Variants in BRD1 observed in about 807,000 individuals in gnomAD.
BRD1 encodes bromodomain containing 1.
Under a neutral mutation model 107.7 loss-of-function variants are expected in BRD1, and 24 were observed. That is an observed-to-expected ratio of 0.22 (90% CI 0.16 to 0.31). The LOEUF is 0.31. BRD1 is among the 10% of genes least tolerant of loss of function. BRD1 has a pLI of 1.00. For synonymous variants in BRD1, 744 were observed against 686.1 expected (o/e 1.08, Z -1.32); for missense variants, 1,279 against 1,638.6 (o/e 0.78, Z 3.79).
In BRD1 at chr22:49,803,494, G is replaced by T. The variant is rs1052021623; in HGVS notation, c.1524+710C>A. 5.3e-5 allele frequency among the ~76,000 whole-genome samples: 8 copies of T among 152,232 alleles called. No individual in the cohort carries two copies. Among genetic ancestry groups the T allele is most frequent in the Non-Finnish European group, 8.8e-5 (6 of 68,040 alleles). On this transcript the variant is annotated intron_variant, in intron 3 of 12. Transcript: ENST00000404760. The surrounding 1 kb of genome is among the most constrained non-coding windows in gnomAD (Gnocchi z 4.4). ...CAGGTCCTGGGCCGTGTGCAGAGCT[G>T]CTTGTGTTTTCAATTACTTTTGTGC...
intron 2 of BRD1, chr22:49,817,727 C>T (rs1239087929): frequency 4.9e-6 from 1 of 203,102 alleles, no homozygotes; most frequent in Admixed American, 4.4e-5. Flanking sequence ...CAATGTTTCT[C>T]TTTCTCTAAA....
chr22:49,813,103 C>T (rs888128013), intron 2 of BRD1, among the ~76,000 whole-genome samples: 2 of 152,188 alleles, frequency 1.3e-5, no homozygotes, highest in East Asian at 1.9e-4. Flanking sequence ...CAAGACTCCT[C>T]GAGGTGGCCG....
At chr22:49,776,703 T>C (rs960897149) in intron 10 of BRD1, among the ~76,000 whole-genome samples, 6 of 152,178 alleles carry the variant, frequency 3.9e-5, no homozygotes, top group African/African-American at 1.4e-4. Flanking sequence ...CACCCTGCAG[T>C]CAGTCCCCTG....
At chr22:49,778,883 A>G (rs2059151814) in intron 8 of BRD1, among the ~76,000 whole-genome samples, 1 of 152,032 alleles carries the variant, frequency 6.6e-6, no homozygotes, top group African/African-American at 2.4e-5. Context: ...GGATGGTCTC[A>G]ATCTCCTGAC....
chr22:49,777,170 G>A lies in BRD1; in HGVS notation c.2994-9C>T. 1.2e-6 allele frequency: 2 copies of A among 1,612,260 alleles called. No homozygotes were observed. Among genetic ancestry groups the A allele is most frequent in the Middle Eastern group, 1.7e-4 (1 of 6,040 alleles). On this transcript the variant is annotated splice_polypyrimidine_tract_variant and intron_variant, in intron 9 of 12. Coordinates refer to ENST00000404760, the MANE Select transcript of BRD1 (RefSeq NM_001304808.3). The stretch of plus-strand genomic sequence containing the variant: ...ATTTGGGCGCATTAAAGCTTCGGGA[G>A]GAAGAGCAGAGGGAGTCAGGCGCCC...
chr22:49,795,418 T>G (rs1163008129), intron 6 of BRD1, among the ~76,000 whole-genome samples: 1 of 152,178 alleles, frequency 6.6e-6, no homozygotes, highest in Admixed American at 6.5e-5. Flanking sequence ...GGACTTCTCA[T>G]CCTTCATTTT....
At chr22:49,784,548 G>A (rs1402121272) in intron 8 of BRD1, among the ~76,000 whole-genome samples, 1 of 152,274 alleles carries the variant, frequency 6.6e-6, no homozygotes, top group Non-Finnish European at 1.5e-5. Flanking sequence ...GAGGCCCACA[G>A]TGAGTGCGTC....
intron 2 of BRD1, chr22:49,817,149 A>C (rs182331994): frequency 6.5e-5 from 10 of 152,702 alleles, no homozygotes; most frequent in Admixed American, 5.9e-4. Context: ...TTTTCCCCTG[A>C]CCTCACAGTG....
At chr22:49,785,674 T>G (rs769444945) in intron 8 of BRD1, among the ~76,000 whole-genome samples, 2 of 152,194 alleles carry the variant, frequency 1.3e-5, no homozygotes, top group Non-Finnish European at 2.9e-5. Context: ...CAAAAAAGCT[T>G]TTTCAAATTA....
chr22:49,774,999 C>G (rs959018397), intron 12 of BRD1, among the ~76,000 whole-genome samples: 1 of 152,232 alleles, frequency 6.6e-6, no homozygotes, highest in Non-Finnish European at 1.5e-5. Context: ...GGGCCACGTG[C>G]GCAGGGCACA....
At chr22:49,814,126 G>A (rs2059906310) in intron 2 of BRD1, among the ~76,000 whole-genome samples, 1 of 152,202 alleles carries the variant, frequency 6.6e-6, no homozygotes, top group African/African-American at 2.4e-5. Context: ...CTGGCCAGGT[G>A]CGTATAACTT....
Position 49,824,075 on chromosome 22 carries a change from C to T in BRD1, c.243G>A (p.Glu81=). The change falls in exon 2 of 13, where the codon GAG becomes GAA. Residue 81 remains glutamate (E), a synonymous_variant. Coordinates refer to ENST00000404760, the MANE Select transcript of BRD1 (RefSeq NM_001304808.3). The surrounding 1 kb of genome is among the most constrained non-coding windows in gnomAD (Gnocchi z 5.9). Reference sequence around the variant, plus strand: ...TAGTTCTTAAGCAGACAGGAGGCCGCTCGCTGTTTTCCTTGTTGCTGTTGC... The same window carrying T: ...TAGTTCTTAAGCAGACAGGAGGCCGTTCGCTGTTTTCCTTGTTGCTGTTGC... The part of the protein sequence containing the change: ...SECNSNKENS[E]RPPVCLRTKR... 6.2e-7 allele frequency: 1 copy of T among 1,614,002 alleles called. No homozygotes were observed.
At chr22:49,775,479 G>A in intron 12 of BRD1, 112 bp downstream of exon 12, 2 of 1,083,162 alleles carry the variant, frequency 1.8e-6, no homozygotes, top group Non-Finnish European at 2.4e-6. Context: ...CTTTAGCTGT[G>A]CCAGGGCCCA....
chr22:49,817,670 AC>A (rs2059979497), intron 2 of BRD1: 1 of 226,200 alleles, frequency 4.4e-6, no homozygotes, highest in Non-Finnish European at 9.9e-6. Context: ...GACTGCCTTT[AC>A]CAACAAGACT....
At chr22:49,820,180 T>C (rs186179265) in intron 2 of BRD1, among the ~76,000 whole-genome samples, 23 of 152,328 alleles carry the variant, frequency 1.5e-4, no homozygotes, top group African/African-American at 5.3e-4. Context: ...GAAATTTTAA[T>C]TTTTTAAACC....
In BRD1 at chr22:49,804,397, AC is replaced by A. The variant is rs778245802; in HGVS notation, c.1368-38del. 1.5e-5 allele frequency: 23 copies of A among 1,555,854 alleles called. No individual in the cohort carries two copies. In the Admixed American group the frequency reaches 4.0e-4, roughly 27 times the overall value. On this transcript the variant is annotated intron_variant, in intron 2 of 12. Coordinates refer to ENST00000404760, the MANE Select transcript of BRD1 (RefSeq NM_001304808.3). The stretch of plus-strand genomic sequence containing the variant: ...ACACTCAGTGTATCTTTGAAGCAGT[AC>A]ATTAAGATGTTTCATCACATAAACT...
chr22:49,798,464 T>C, intron 5 of BRD1, 94 bp downstream of exon 5: 2 of 1,572,800 alleles, frequency 1.3e-6, no homozygotes, highest in Admixed American at 1.7e-5. Context: ...ACACAAGGGA[T>C]GTACTCTAGC....
Position 49,777,738 on chromosome 22 carries a change from C to T in BRD1, c.2933G>A (p.Arg978Gln), listed in dbSNP as rs375422499. ...GCTGGACTCGGAGGCACAGCGTCGT[C>T]GGGGTGTGGCCTTCCTCCCCAGGCC... ...GGGLGRKATP[R>Q]RRCASESSIS... Residue 978 changes from arginine to glutamine, a missense_variant, in exon 9 of 13, where the codon CGA becomes CAA. By Grantham distance (43) the Arg-to-Gln change is conservative. Around this residue, in one of 7 missense-constraint regions of BRD1, gnomAD observed 263 missense variants for 251.6 expected, o/e 1.05. Coordinates refer to ENST00000404760, the MANE Select transcript of BRD1 (RefSeq NM_001304808.3). 3.9e-5 allele frequency: 63 copies of T among 1,606,930 alleles called. No individual in the cohort carries two copies. The highest frequency in any genetic ancestry group is 8.0e-5 in the African/African-American group (6 of 74,856).
chr22:49,777,463 G>A (rs1028922929), intron 9 of BRD1, among the ~76,000 whole-genome samples: 9 of 152,328 alleles, frequency 5.9e-5, no homozygotes, highest in Non-Finnish European at 1.0e-4. Flanking sequence ...CCTATTTCAC[G>A]CAGTGTTTTT....
Sources: gnomAD v4.1 joint callset for allele counts (sites outside exome capture counted in the v4.1 genomes callset) on GRCh38, gnomAD v4.1.1 for gene constraint, gnomAD v4.1.1 regional missense constraint, Gnocchi (gnomAD v3.1) non-coding constraint, MANE v1.5 for transcripts, NCBI Gene and HGNC (gene_info 2026-07-23, HGNC 2026-07-21) for gene names.